The following PGR variants were observed in gnomAD, a reference collection of about 807,000 sequenced individuals.
PGR encodes the protein progesterone receptor.
In PGR, 25 loss-of-function variants were observed where a neutral mutation model predicts 76.1. The ratio of observed to expected loss-of-function variants is 0.33; its 90% CI spans 0.24 to 0.46. The LOEUF (loss-of-function observed/expected upper bound fraction) is 0.46. PGR is among the 20% of genes least tolerant of loss of function. PGR has a pLI of 1.00. For synonymous variants in PGR, 579 were observed against 535.0 expected, an observed-to-expected ratio of 1.08 and a Z score of -1.14; for missense variants, 1,172 against 1,225.3, an observed-to-expected ratio of 0.96 and a Z score of 0.65.
intron 6 of PGR, among the ~76,000 whole-genome samples, chr11:101,045,687 GTGTGTGTGTA>G (rs1177732509): frequency 6.7e-6 from 1 of 150,182 alleles, no homozygotes; most frequent in Non-Finnish European, 1.5e-5. Flanking sequence ...GTGTGTGTGT[GTGTGTGTGTA>G]TGTATGTATA....
chr11:101,112,157 C>G (rs1591425295), intron 2 of PGR, among the ~76,000 whole-genome samples: 1 of 152,082 alleles, frequency 6.6e-6, no homozygotes, highest in Admixed American at 6.6e-5. Context: ...CAGAGGTCAA[C>G]AACTGATTGG....
At position 101,032,836 on chromosome 11, in the gene PGR, C is replaced by T. The variant is rs528237960; in HGVS notation, c.*6280G>A. The stretch of plus-strand genomic sequence containing the variant: ...ACTCTAAGCTCGGAGAAGACGGGAA[C>T]ACTGGTAATCTCCACAATCTAGCAG... On this transcript the variant is annotated 3_prime_UTR_variant, in exon 8 of 8. Coordinates refer to ENST00000325455, the MANE Select transcript of PGR (RefSeq NM_000926.4). The T allele has an allele frequency of 1.8e-4, 34 of 188,950 alleles. No individual in the cohort carries two copies. Among genetic ancestry groups the T allele is most frequent in the African/African-American group, 6.7e-4 (29 of 42,986 alleles). The allele number at this position is 188,950 out of a possible 1,614,324, so 11.7% of individuals were successfully genotyped here.
rs754855993 is a variant in PGR, at chr11:101,128,464, G to A, written c.607C>T (p.Pro203Ser). 13 of 1,608,800 alleles carry A rather than the reference G, an allele frequency of 8.1e-6. No homozygotes were observed. Among genetic ancestry groups the A allele is most frequent in the Non-Finnish European group, 1.0e-5 (12 of 1,179,474 alleles). The change falls in exon 1 of 8, where the codon CCT (proline) becomes TCT (serine). Residue 203 changes from proline (P) to serine (S), a missense_variant. Around this residue, in one of 4 missense-constraint regions of PGR, gnomAD observed 893 missense variants for 785.9 expected, o/e 1.14. Coordinates refer to ENST00000325455, the MANE Select transcript of PGR (RefSeq NM_000926.4). ...RQLLLPASES[P>S]HWSGAPVKPS... The stretch of plus-strand genomic sequence containing the variant: ...TTCACTGGGGCCCCGGACCAGTGAG[G>A]GCTCTCAGAGGCCGGGAGCAGCAGC...
intron 2 of PGR, among the ~76,000 whole-genome samples, chr11:101,108,542 T>A (rs976003574): frequency 3.3e-5 from 5 of 152,202 alleles, no homozygotes; most frequent in African/African-American, 1.2e-4. Context: ...TTTTAAGTCT[T>A]TTCAATAAAT....
chr11:101,061,738 T>C (rs1235963872), intron 4 of PGR, among the ~76,000 whole-genome samples: 1 of 152,204 alleles, frequency 6.6e-6, no homozygotes, highest in Non-Finnish European at 1.5e-5. Flanking sequence ...CTCTGCAGTC[T>C]AAGATTTAAC....
At chr11:101,053,553 C>T (rs1005397708) in intron 4 of PGR, among the ~76,000 whole-genome samples, 4 of 118,828 alleles carry the variant, frequency 3.4e-5, no homozygotes, top group Non-Finnish European at 6.8e-5. Flanking sequence ...CCCTTTCTTC[C>T]CTCCCCTTCT....
At chr11:101,120,267 C>A (rs1005004800) in intron 2 of PGR, among the ~76,000 whole-genome samples, 2 of 152,192 alleles carry the variant, frequency 1.3e-5, no homozygotes, top group Non-Finnish European at 1.5e-5. Context: ...CATACATTTT[C>A]ATCTTCAGTC....
intron 3 of PGR, chr11:101,063,404 AT>A (rs1860585599): frequency 6.6e-6 from 1 of 152,220 alleles, no homozygotes. Flanking sequence ...GTCAGATCAC[AT>A]TTGTATTTCT....
At chr11:101,114,690 C>A (rs931825612) in intron 2 of PGR, among the ~76,000 whole-genome samples, 2 of 152,004 alleles carry the variant, frequency 1.3e-5, no homozygotes, top group African/African-American at 4.8e-5. Flanking sequence ...GTCCCCCACC[C>A]CCACAATTCT....
At chr11:101,099,046 G>C (rs1591412925) in intron 2 of PGR, among the ~76,000 whole-genome samples, 1 of 152,316 alleles carries the variant, frequency 6.6e-6, no homozygotes, top group South Asian at 2.1e-4. Flanking sequence ...AGGGTCCTTG[G>C]AGAGGCAAAT....
intron 3 of PGR, among the ~76,000 whole-genome samples, chr11:101,076,838 C>G (rs144629832): frequency 0.011 from 1,703 of 148,342 alleles, 14 homozygotes; most frequent in Non-Finnish European, 0.018. Context: ...TTATTTAATT[C>G]TGATAAAAGA....
At chr11:101,103,168 G>T (rs1287180412) in intron 2 of PGR, among the ~76,000 whole-genome samples, 1 of 151,992 alleles carries the variant, frequency 6.6e-6, no homozygotes, top group Non-Finnish European at 1.5e-5. Context: ...TTCAAGGAGT[G>T]AAATGGTGAA....
At chr11:101,101,691 C>T (rs1862002309) in intron 2 of PGR, among the ~76,000 whole-genome samples, 1 of 152,114 alleles carries the variant, frequency 6.6e-6, no homozygotes, top group South Asian at 2.1e-4. Context: ...ATATGAGAAT[C>T]CAGCTGTCTT....
intron 2 of PGR, among the ~76,000 whole-genome samples, chr11:101,092,906 T>C (rs963661033): frequency 6.6e-6 from 1 of 152,120 alleles, no homozygotes; most frequent in African/African-American, 2.4e-5. Context: ...GTATTTTACA[T>C]TAGTTAAGAT....
In PGR at chr11:101,128,297, C is replaced by T. The variant is rs111554472; in HGVS notation, c.774G>A (p.Pro258=). 6.3e-7 allele frequency: 1 copy of T among 1,592,620 alleles called. No homozygotes were observed. The highest frequency in any genetic ancestry group is 8.5e-7 in the Non-Finnish European group (1 of 1,175,612). ...GGGCGACGCCTCCTGCTGCCGCCCC[C>T]GGCGGGACAGCCGCGGCTCCTCCTC... is the stretch of plus-strand genomic sequence containing the variant. ...AAGGGAAAVP[P]GAAAGGVALV... is the part of the protein sequence containing the mutation. The change falls in exon 1 of 8, where the codon CCG becomes CCA. Residue 258 remains proline (P), a synonymous_variant. Coordinates refer to ENST00000325455, the MANE Select transcript of PGR (RefSeq NM_000926.4).
intron 3 of PGR, among the ~76,000 whole-genome samples, chr11:101,079,656 T>C (rs1457340541): frequency 6.6e-6 from 1 of 152,216 alleles, no homozygotes. Context: ...TCGTACACTG[T>C]TGGTAGTAAT....
intron 2 of PGR, 104 bp from the exon 3 acceptor site, chr11:101,091,980 C>T (rs1219549721): frequency 1.4e-6 from 1 of 710,600 alleles, no homozygotes; most frequent in Admixed American, 2.0e-5. Flanking sequence ...TCAGCAAGTG[C>T]ATGACTCAGC....
At chr11:101,084,676 A>C (rs1861432278) in intron 3 of PGR, among the ~76,000 whole-genome samples, 1 of 151,530 alleles carries the variant, frequency 6.6e-6, no homozygotes, top group Non-Finnish European at 1.5e-5. Context: ...AAAAAGTCAC[A>C]GAGTGGCAAA....
Position 101,127,861 on chromosome 11 carries a change from A to G in PGR, c.1210T>C (p.Tyr404His). The G allele has an allele frequency of 1.3e-6, 2 of 1,597,708 alleles. No individual in the cohort carries two copies. Among genetic ancestry groups the G allele is most frequent in the Non-Finnish European group, 1.7e-6 (2 of 1,176,698 alleles). Residue 404 changes from tyrosine to histidine, a missense_variant, in exon 1 of 8, where the codon TAC becomes CAC. Tyr to His is a moderately conservative substitution (Grantham distance 83). Transcript: ENST00000325455. ...GCGGGGTTGGCACCGGCCACAAGGT[A>G]GGAACGCGGGGAGCGCGCGGAGGCC... is the stretch of plus-strand genomic sequence containing the variant. ...AEASARSPRS[Y>H]LVAGANPAAF...
Sources: gnomAD v4.1 joint callset for allele counts (sites outside exome capture counted in the v4.1 genomes callset) on GRCh38, gnomAD v4.1.1 for gene constraint, gnomAD v4.1.1 regional missense constraint, MANE v1.5 for transcripts, NCBI Gene and HGNC (gene_info 2026-07-23, HGNC 2026-07-21) for gene names.